The following FGD4 variants were observed in gnomAD, a reference collection of about 807,000 sequenced individuals.
The protein encoded by FGD4 is FYVE, RhoGEF and PH domain containing 4.
Under a neutral mutation model 102.0 loss-of-function variants are expected in FGD4, and 42 were observed. The observed-to-expected ratio is 0.41, with a 90% CI of 0.32 to 0.53. The LOEUF (loss-of-function observed/expected upper bound fraction) is 0.53. FGD4 is among the 20% of genes least tolerant of loss of function. The probability of loss-of-function intolerance (pLI) is 0.21; values close to 1 mark genes in which losing one functional copy is unlikely to be tolerated. For synonymous variants in FGD4, 380 were observed against 375.7 expected, an observed-to-expected ratio of 1.01 and a Z score of -0.13; for missense variants, 902 against 1,078.2, an observed-to-expected ratio of 0.84 and a Z score of 2.29.
rs1278724062 is a variant in FGD4 at position 32,644,516 on chromosome 12, G to A, written c.*3983G>A. The A allele has an allele frequency of 1.3e-5, 2 of 151,990 alleles. No homozygotes were observed. Among genetic ancestry groups the A allele is most frequent in the Admixed American group, 1.3e-4 (2 of 15,242 alleles). 9.4% of individuals were successfully genotyped at this position (151,990 alleles called of 1,614,324 possible). A position where few individuals can be genotyped will look rare whatever the true frequency, so the allele number is the denominator to read the frequency against. The stretch of plus-strand genomic sequence containing the variant: ...TATTTTAACATAAATTATTTACATG[G>A]ATCTTTATGTATAATTCATCCTTAT... On this transcript the variant is annotated 3_prime_UTR_variant, in exon 17 of 17. Transcript: ENST00000534526.
Position 32,638,953 on chromosome 12 carries a change from G to A in FGD4, c.2454+158G>A, listed in dbSNP as rs570306454. The stretch of plus-strand genomic sequence containing the variant: ...AGTAAAGTTCAAGTTTGTTGTTTAA[G>A]CTGATTGATTCATTTTATAGCCTAT... On this transcript the variant is annotated intron_variant, in intron 16 of 16. Coordinates refer to ENST00000534526, the MANE Select transcript of FGD4 (RefSeq NM_001370298.3). The A allele has an allele frequency of 1.3e-5, 20 of 1,483,042 alleles. No individual in the cohort carries two copies. The South Asian group carries it at 2.8e-4, about 21-fold the overall frequency. The allele number at this position is 1,483,042 out of a possible 1,614,324, so 91.9% of individuals were successfully genotyped here.
At chr12:32,441,035 C>A (rs1942419675) in intron 1 of FGD4, among the ~76,000 whole-genome samples, 1 of 152,178 alleles carries the variant, frequency 6.6e-6, no homozygotes, top group South Asian at 2.1e-4. Context: ...GGGACTCACC[C>A]TTCAGGGAAG....
rs1946119820 is a variant in FGD4 at position 32,576,254 on chromosome 12, C to A, written c.320-12C>A. 2 of 1,567,300 alleles carry A rather than the reference C, an allele frequency of 1.3e-6. No homozygotes were observed. The highest frequency in any genetic ancestry group is 1.7e-6 in the Non-Finnish European group (2 of 1,154,276). On this transcript the variant is annotated splice_polypyrimidine_tract_variant and intron_variant, in intron 2 of 16. Transcript: ENST00000534526. ...TATCAGTGAAATACTATATTCTATTCTTTTTCTACAGTGCCTCCAAAGCCA... is the reference window on the plus strand; with the variant it reads ...TATCAGTGAAATACTATATTCTATTATTTTTCTACAGTGCCTCCAAAGCCA...
At chr12:32,543,840 G>A (rs1943029984) in intron 1 of FGD4, among the ~76,000 whole-genome samples, 1 of 152,034 alleles carries the variant, frequency 6.6e-6, no homozygotes, top group African/African-American at 2.4e-5. Flanking sequence ...TCTTAGCCAG[G>A]ATGGTCTTGA....
intron 1 of FGD4, among the ~76,000 whole-genome samples, chr12:32,440,361 C>A (rs1591905268): frequency 6.6e-6 from 1 of 152,188 alleles, no homozygotes. Context: ...TTAGGGGGCA[C>A]CCCAAGCTCA....
chr12:32,602,903 G>A (rs750168802), intron 7 of FGD4, among the ~76,000 whole-genome samples: 5 of 152,078 alleles, frequency 3.3e-5, no homozygotes, highest in Non-Finnish European at 7.4e-5. Context: ...CTTCTTTTGT[G>A]TCATATGAAT....
chr12:32,505,096 G>A (rs1326403584), intron 1 of FGD4, among the ~76,000 whole-genome samples: 2 of 152,120 alleles, frequency 1.3e-5, no homozygotes, highest in East Asian at 3.9e-4. Context: ...TGGAATACTA[G>A]GGATCTGAAG....
At chr12:32,606,919 T>C (rs1165157719) in intron 7 of FGD4, among the ~76,000 whole-genome samples, 1 of 152,216 alleles carries the variant, frequency 6.6e-6, no homozygotes, top group African/African-American at 2.4e-5. Flanking sequence ...AAAAATAAAA[T>C]TTTCTGACAG....
intron 10 of FGD4, among the ~76,000 whole-genome samples, chr12:32,617,369 A>C (rs1413227546): frequency 6.6e-6 from 1 of 152,234 alleles, no homozygotes; most frequent in East Asian, 1.9e-4. Context: ...CAGAACGAGC[A>C]CTAGAAATTT....
At chr12:32,515,948 C>T (rs550586577) in intron 1 of FGD4, among the ~76,000 whole-genome samples, 20 of 152,312 alleles carry the variant, frequency 1.3e-4, no homozygotes, top group African/African-American at 4.6e-4. Context: ...TTTCAACAAA[C>T]GTGACAATCG....
At chr12:32,412,548 G>A (rs940071701) in intron 1 of FGD4, among the ~76,000 whole-genome samples, 2 of 152,172 alleles carry the variant, frequency 1.3e-5, no homozygotes, top group Non-Finnish European at 2.9e-5. Context: ...AGACCTAGGT[G>A]GAAGGATTGC....
chr12:32,442,076 C>T (rs151008281), intron 1 of FGD4, among the ~76,000 whole-genome samples: 5,572 of 143,252 alleles, frequency 0.039, 166 homozygotes, highest in South Asian at 0.12. Context: ...TTTTTGGAGA[C>T]GGAGTCTCGC....
intron 1 of FGD4, among the ~76,000 whole-genome samples, chr12:32,436,895 A>G (rs1182028696): frequency 6.6e-6 from 1 of 152,154 alleles, no homozygotes; most frequent in Non-Finnish European, 1.5e-5. Flanking sequence ...AGGCAGGTGG[A>G]TAGCTTGAGA....
intron 1 of FGD4, among the ~76,000 whole-genome samples, chr12:32,465,076 A>C (rs1943216517): frequency 6.6e-6 from 1 of 152,128 alleles, no homozygotes; most frequent in South Asian, 2.1e-4. Context: ...GGAGGAGTAA[A>C]AACAATAGAA....
At chr12:32,472,972 A>G (rs1203867948) in intron 1 of FGD4, among the ~76,000 whole-genome samples, 3 of 152,088 alleles carry the variant, frequency 2.0e-5, no homozygotes, top group East Asian at 1.9e-4. Flanking sequence ...AAACACACCA[A>G]TCAGCACCCT....
At chr12:32,444,874 G>A (rs890428720) in intron 1 of FGD4, among the ~76,000 whole-genome samples, 1 of 152,144 alleles carries the variant, frequency 6.6e-6, no homozygotes, top group African/African-American at 2.4e-5. Flanking sequence ...TAATGTAAAT[G>A]CTTTCTACCA....
intron 1 of FGD4, among the ~76,000 whole-genome samples, chr12:32,505,727 G>GTACGGCTA (rs1228848202): frequency 2.6e-5 from 4 of 152,164 alleles, no homozygotes; most frequent in Non-Finnish European, 4.4e-5. Context: ...CCACGGCTCT[G>GTACGGCTA]TACGGCTAAT....
chr12:32,556,054 C>G (rs1944087779), intron 1 of FGD4, among the ~76,000 whole-genome samples: 1 of 151,986 alleles, frequency 6.6e-6, no homozygotes, highest in African/African-American at 2.4e-5. Context: ...GTTGCCGAAG[C>G]TAGTCTCAAA....
rs1166206543 is a variant in FGD4, at chr12:32,624,694, G to A, written c.1953+242G>A. 1.7e-5 allele frequency: 11 copies of A among 665,662 alleles called. No homozygotes were observed. The Admixed American group carries it at 1.7e-4, about 10-fold the overall frequency. 41.2% of individuals were successfully genotyped at this position (665,662 alleles called of 1,614,324 possible). On this transcript the variant is annotated intron_variant, in intron 12 of 16. Coordinates refer to ENST00000534526, the MANE Select transcript of FGD4 (RefSeq NM_001370298.3). ...TTGCCATGCTGCCCAGGCTGATCTCGAACTCCTGAGCTCAAGCGATCTGCC... is the reference window on the plus strand; with the variant it reads ...TTGCCATGCTGCCCAGGCTGATCTCAAACTCCTGAGCTCAAGCGATCTGCC...
Sources: allele counts gnomAD v4.1 joint callset (sites outside exome capture counted in the v4.1 genomes callset), GRCh38; gene constraint gnomAD v4.1.1; transcripts MANE v1.5; gene names NCBI Gene and HGNC (gene_info 2026-07-23, HGNC 2026-07-21).